Variants in TEAD1 observed in about 807,000 individuals in gnomAD.
TEAD1 encodes the protein transcriptional enhancer factor TEF-1.
TEAD1 carries 9 observed loss-of-function variants against 54.9 expected under a neutral mutation model. That is an observed-to-expected ratio of 0.16 (90% CI 0.10 to 0.29). The LOEUF (loss-of-function observed/expected upper bound fraction) is 0.29, where lower values mean the gene tolerates loss of function less well. TEAD1 is among the 10% of genes least tolerant of loss of function. The pLI, the probability that TEAD1 is intolerant of heterozygous loss-of-function variation, is 1.00. For synonymous variants in TEAD1, 200 were observed against 187.8 expected (o/e 1.07, Z -0.53); for missense variants, 387 against 535.9 (o/e 0.72, Z 2.74).
intron 3 of TEAD1, among the ~76,000 whole-genome samples, chr11:12,823,204 C>T (rs1946587277): frequency 6.6e-6 from 1 of 152,160 alleles, no homozygotes; most frequent in Non-Finnish European, 1.5e-5. Flanking sequence ...CAAATTAGAC[C>T]TTGTAGGACT....
intron 5 of TEAD1, among the ~76,000 whole-genome samples, chr11:12,878,643 G>GTTA (rs1723620952): frequency 6.6e-6 from 1 of 151,418 alleles, no homozygotes; most frequent in Non-Finnish European, 1.5e-5. Context: ...GTTTTTTATT[G>GTTA]TTGCTGTTGT....
Position 12,857,578 on chromosome 11 carries a change from C to CTGTGTGTGTGTGTGTGTGTGTGTG in TEAD1, c.203-4660_203-4637dup, listed in dbSNP as rs10694132. 1.2e-3 allele frequency among the ~76,000 whole-genome samples: 181 copies of CTGTGTGTGTGTGTGTGTGTGTGTG among 145,836 alleles called. 3 individuals carry two copies. Among genetic ancestry groups the CTGTGTGTGTGTGTGTGTGTGTGTG allele is most frequent in the African/African-American group, 4.6e-3 (178 of 38,802 alleles). ...ATCAAGCATCTCTCTCTCTCTGTCTCTGTGTGTGTGTGTGTGTGTGTGTGT... is the reference window on the plus strand; with the variant it reads ...ATCAAGCATCTCTCTCTCTCTGTCTCTGTGTGTGTGTGTGTGTGTGTGTGTGTGTGTGTGTGTGTGTGTGTGTGT... On this transcript the variant is annotated intron_variant, in intron 3 of 12. Transcript: ENST00000527636.
At chr11:12,855,886 T>C (rs1947365748) in intron 3 of TEAD1, among the ~76,000 whole-genome samples, 1 of 150,528 alleles carries the variant, frequency 6.6e-6, no homozygotes, top group Non-Finnish European at 1.5e-5. Flanking sequence ...AGATCAAGGC[T>C]ACAGTGAGCC....
At chr11:12,690,508 C>G (rs1400589601) in intron 2 of TEAD1, among the ~76,000 whole-genome samples, 1 of 152,156 alleles carries the variant, frequency 6.6e-6, no homozygotes, top group Non-Finnish European at 1.5e-5. Context: ...GTTGTATCTC[C>G]ATGGTGCTGT....
chr11:12,730,694 CTTTTTTTT>C (rs71313457), intron 2 of TEAD1, among the ~76,000 whole-genome samples: 1 of 65,664 alleles, frequency 1.5e-5, no homozygotes, highest in Non-Finnish European at 2.7e-5. Flanking sequence ...CTACATAGCT[CTTTTTTTT>C]TTTTTTTTTT....
chr11:12,788,748 C>T (rs149734670), intron 3 of TEAD1, among the ~76,000 whole-genome samples: 3 of 152,290 alleles, frequency 2.0e-5, no homozygotes, highest in African/African-American at 7.2e-5. Context: ...GGGGTGATCC[C>T]TGTAAAAAAT....
intron 3 of TEAD1, among the ~76,000 whole-genome samples, chr11:12,815,931 G>A (rs144754675): frequency 1.4e-4 from 21 of 152,348 alleles, no homozygotes; most frequent in African/African-American, 4.8e-4. Flanking sequence ...TGTATATGAC[G>A]TAGAGCTAAT....
intron 3 of TEAD1, among the ~76,000 whole-genome samples, chr11:12,850,710 C>A (rs1220216925): frequency 1.3e-5 from 2 of 152,128 alleles, no homozygotes; most frequent in East Asian, 1.9e-4. Flanking sequence ...TATAAACTAG[C>A]GGTGTTTAGC....
At chr11:12,692,046 A>G (rs532985515) in intron 2 of TEAD1, among the ~76,000 whole-genome samples, 81 of 152,356 alleles carry the variant, frequency 5.3e-4, no homozygotes, top group African/African-American at 1.9e-3. Context: ...TAGTTGTAAC[A>G]TAGCTATTGT....
At chr11:12,849,492 G>T (rs1947224488) in intron 3 of TEAD1, 2 of 152,214 alleles carry the variant, frequency 1.3e-5, no homozygotes, top group Middle Eastern at 3.4e-3. Context: ...ATTTTTATTA[G>T]ATTACTGAGT....
chr11:12,835,218 A>AT (rs1946862235), intron 3 of TEAD1, among the ~76,000 whole-genome samples: 1 of 152,102 alleles, frequency 6.6e-6, no homozygotes, highest in African/African-American at 2.4e-5. Context: ...ATAGAATTTG[A>AT]TTTTTACTGG....
chr11:12,684,304 A>G (rs1382735809), intron 2 of TEAD1, among the ~76,000 whole-genome samples: 6 of 152,246 alleles, frequency 3.9e-5, no homozygotes, highest in Non-Finnish European at 7.3e-5. Context: ...AAATGCTTCA[A>G]AAACTGGATA....
At chr11:12,694,604 G>C (rs937111197) in intron 2 of TEAD1, among the ~76,000 whole-genome samples, 3 of 152,214 alleles carry the variant, frequency 2.0e-5, no homozygotes, top group Non-Finnish European at 2.9e-5. Context: ...AGTCAGAGCA[G>C]AGTTGGGTTG....
intron 2 of TEAD1, among the ~76,000 whole-genome samples, chr11:12,755,345 C>T (rs548899955): frequency 2.6e-5 from 4 of 152,094 alleles, no homozygotes; most frequent in South Asian, 2.1e-4. Context: ...TTTAAAATAC[C>T]GAGTTATAAT....
At chr11:12,926,277 C>A (rs1194951553) in intron 11 of TEAD1, among the ~76,000 whole-genome samples, 1 of 152,098 alleles carries the variant, frequency 6.6e-6, no homozygotes, top group African/African-American at 2.4e-5. Context: ...TAGCACAAGC[C>A]CCCTGAGCAA....
At chr11:12,908,153 G>A (rs897963489) in intron 10 of TEAD1, among the ~76,000 whole-genome samples, 3 of 152,104 alleles carry the variant, frequency 2.0e-5, no homozygotes, top group Admixed American at 1.3e-4. Flanking sequence ...TCTAACAGAG[G>A]ATAGTCCAGG....
chr11:12,719,965 T>G (rs1944153626), intron 2 of TEAD1, among the ~76,000 whole-genome samples: 1 of 45,096 alleles, frequency 2.2e-5, no homozygotes, highest in Admixed American at 1.9e-4. Flanking sequence ...TTTTTTTTTT[T>G]TTTTTTTTTT....
At position 12,883,180 on chromosome 11, in the gene TEAD1, T is replaced by C. The variant is rs1948004841; in HGVS notation, c.699+55T>C. 17 of 1,596,438 alleles carry C rather than the reference T, an allele frequency of 1.1e-5. No homozygotes were observed. The South Asian group carries it at 1.6e-4, about 15-fold the overall frequency. ...ATCCAGGATTTCTTTCCCTTTACTGTTTACCTCCTTGCTTCTCTTTCTTTC... is the reference window on the plus strand; with the variant it reads ...ATCCAGGATTTCTTTCCCTTTACTGCTTACCTCCTTGCTTCTCTTTCTTTC... On this transcript the variant is annotated intron_variant, in intron 9 of 12. Coordinates refer to ENST00000527636, the MANE Select transcript of TEAD1 (RefSeq NM_021961.6).
intron 2 of TEAD1, among the ~76,000 whole-genome samples, chr11:12,689,013 G>T (rs1160623214): frequency 2.1e-4 from 29 of 134,892 alleles, no homozygotes; most frequent in African/African-American, 7.4e-4. Context: ...TTGTTTTTCT[G>T]TTTTTTTTTT....
Sources: allele counts gnomAD v4.1 joint callset (sites outside exome capture counted in the v4.1 genomes callset), GRCh38; gene constraint gnomAD v4.1.1; transcripts MANE v1.5; gene names NCBI Gene and HGNC (gene_info 2026-07-23, HGNC 2026-07-21).